The following RPTOR variants were observed in gnomAD, a reference collection of about 807,000 sequenced individuals.
RPTOR encodes the protein regulatory associated protein of MTOR complex 1.
Under a neutral mutation model 169.9 loss-of-function variants are expected in RPTOR, and 21 were observed. The observed-to-expected ratio is 0.12, with a 90% CI of 0.09 to 0.18. The LOEUF is 0.18. RPTOR is among the 10% of genes least tolerant of loss of function. The pLI is 1.00. For missense variants in RPTOR, 1,133 were observed against 1,855.9 expected, an observed-to-expected ratio of 0.61 and a Z score of 7.16; for synonymous variants, 732 against 753.2, an observed-to-expected ratio of 0.97 and a Z score of 0.46.
At chr17:80,791,876 T>C (rs1479474127) in intron 7 of RPTOR, among the ~76,000 whole-genome samples, 1 of 152,180 alleles carries the variant, frequency 6.6e-6, no homozygotes, top group Non-Finnish European at 1.5e-5. Context: ...TCTGAAACTG[T>C]CCCTTTAATA....
chr17:80,787,304 T>C (rs1208894743), intron 6 of RPTOR, among the ~76,000 whole-genome samples: 1 of 152,240 alleles, frequency 6.6e-6, no homozygotes, highest in Non-Finnish European at 1.5e-5. Context: ...TGTTCCTCCA[T>C]ATTGATGTGT....
At chr17:80,932,791 T>C (rs1010132787) in intron 24 of RPTOR, among the ~76,000 whole-genome samples, 1 of 152,150 alleles carries the variant, frequency 6.6e-6, no homozygotes, top group Non-Finnish European at 1.5e-5. Context: ...TCCCAAATCA[T>C]GGTATATACA....
At chr17:80,812,843 C>G (rs1308139456) in intron 7 of RPTOR, among the ~76,000 whole-genome samples, 1 of 152,270 alleles carries the variant, frequency 6.6e-6, no homozygotes, top group Admixed American at 6.5e-5. Flanking sequence ...GGGAACCACA[C>G]GCCCCCAGAT....
At chr17:80,961,021 C>G in intron 30 of RPTOR, 1 of 284,528 alleles carries the variant, frequency 3.5e-6, no homozygotes, top group South Asian at 7.6e-5. Flanking sequence ...CTGCACAGAT[C>G]GGGGAGACAC....
intron 21 of RPTOR, among the ~76,000 whole-genome samples, chr17:80,920,044 C>A (rs1385258504): frequency 6.6e-6 from 1 of 152,238 alleles, no homozygotes; most frequent in Non-Finnish European, 1.5e-5. Context: ...TTGCCGTGCC[C>A]TCTCTGTTCA....
intron 33 of RPTOR, among the ~76,000 whole-genome samples, chr17:80,963,263 C>A (rs1274044234): frequency 2.0e-5 from 3 of 152,084 alleles, no homozygotes; most frequent in African/African-American, 4.8e-5. Context: ...GAGCCCCAGT[C>A]CCGTCACTCC....
intron 3 of RPTOR, among the ~76,000 whole-genome samples, chr17:80,654,574 G>A (rs530219866): frequency 2.6e-5 from 4 of 152,210 alleles, no homozygotes; most frequent in African/African-American, 7.2e-5. Flanking sequence ...TAGCAGAACC[G>A]GGAGGATTAC....
intron 6 of RPTOR, among the ~76,000 whole-genome samples, chr17:80,790,305 A>C (rs1267116008): frequency 6.6e-6 from 1 of 152,178 alleles, no homozygotes; most frequent in Non-Finnish European, 1.5e-5. Context: ...CACAACCAAG[A>C]ATATAACTTC....
rs2143977946 is a variant in RPTOR, at chr17:80,922,781, GC to G, written c.2583del (p.Ala862ProfsTer27). 1.3e-6 allele frequency: 2 copies of G among 1,573,826 alleles called. No individual in the cohort carries two copies. Among genetic ancestry groups the G allele is most frequent in the East Asian group, 2.4e-5 (1 of 42,168 alleles). ...VLDTSSLTQS[A>X]PASPTNKGVH... is the part of the protein sequence containing the mutation. ...GGACACCTCCTCCCTCACGCAGTCG[GC>G]CCCCGCCAGCCCCACCAACAAGGGC... On this transcript the variant is annotated frameshift_variant, in exon 22 of 34. Coordinates refer to ENST00000306801, the MANE Select transcript of RPTOR (RefSeq NM_020761.3). LOFTEE classifies it high-confidence loss of function.
chr17:80,763,551 A>G (rs1294434991), intron 6 of RPTOR, among the ~76,000 whole-genome samples: 1 of 152,246 alleles, frequency 6.6e-6, no homozygotes, highest in Non-Finnish European at 1.5e-5. Context: ...GTGCTTAGAT[A>G]CAGAGACACC....
At chr17:80,896,972 G>A (rs2068413984) in intron 20 of RPTOR, among the ~76,000 whole-genome samples, 1 of 152,202 alleles carries the variant, frequency 6.6e-6, no homozygotes, top group African/African-American at 2.4e-5. Flanking sequence ...AAGAAAGAAT[G>A]CCAGTGGGCT....
chr17:80,607,390 A>G (rs2065236847), intron 1 of RPTOR, among the ~76,000 whole-genome samples: 1 of 152,138 alleles, frequency 6.6e-6, no homozygotes, highest in Non-Finnish European at 1.5e-5. Flanking sequence ...AATGTCATGT[A>G]TCAATCGTTT....
intron 17 of RPTOR, among the ~76,000 whole-genome samples, chr17:80,886,000 T>C (rs8074763): frequency 0.038 from 5,797 of 152,334 alleles, 171 homozygotes; most frequent in Non-Finnish European, 0.061. Context: ...GCTGGTGAGA[T>C]GGAAGGCTGC....
chr17:80,574,981 A>G (rs1187965526), intron 1 of RPTOR, among the ~76,000 whole-genome samples: 1 of 134,954 alleles, frequency 7.4e-6, no homozygotes, highest in East Asian at 2.3e-4. Context: ...TTTATTTTAT[A>G]TCTTATTATT....
At chr17:80,557,503 C>T (rs1002874660) in intron 1 of RPTOR, among the ~76,000 whole-genome samples, 11 of 151,398 alleles carry the variant, frequency 7.3e-5, no homozygotes, top group African/African-American at 1.9e-4. Context: ...GGTGACAGAA[C>T]GAGACTTTGT....
chr17:80,699,716 G>A (rs1327985681), intron 3 of RPTOR, among the ~76,000 whole-genome samples: 14 of 98,366 alleles, frequency 1.4e-4, no homozygotes, highest in African/African-American at 3.5e-4. Flanking sequence ...TGCTGTGCAC[G>A]GTGCCCTGGT....
intron 10 of RPTOR, among the ~76,000 whole-genome samples, chr17:80,838,578 T>C (rs560205039): frequency 2.9e-4 from 44 of 152,122 alleles, no homozygotes; most frequent in Non-Finnish European, 7.4e-5. Flanking sequence ...AGTCTGAAAA[T>C]AGATAAATAA....
rs1004536000 is a variant in RPTOR, at chr17:80,957,377, A to C, written c.3371-247A>C. ...ACCCCAGCCTGGACTTGGGAGTTCC[A>C]GCTCAGAATTGTCATCCCGGCCCGG... On this transcript the variant is annotated intron_variant, in intron 28 of 33. Coordinates refer to ENST00000306801, the MANE Select transcript of RPTOR (RefSeq NM_020761.3). This position sits in a 1 kb window ranked among gnomAD's most constrained non-coding sequence, Gnocchi z 4.6. Among the ~76,000 whole-genome samples, 1 of 151,878 alleles carries C rather than the reference A, an allele frequency of 6.6e-6. No individual in the cohort carries two copies. Among genetic ancestry groups the C allele is most frequent in the Non-Finnish European group, 1.5e-5 (1 of 67,970 alleles).
At chr17:80,938,060 C>G (rs1241935730) in intron 24 of RPTOR, among the ~76,000 whole-genome samples, 1 of 152,250 alleles carries the variant, frequency 6.6e-6, no homozygotes, top group Non-Finnish European at 1.5e-5. Flanking sequence ...GAAGTGGCGG[C>G]CCCTACCCCT....
Sources: gnomAD v4.1 joint callset for allele counts (sites outside exome capture counted in the v4.1 genomes callset) on GRCh38, gnomAD v4.1.1 for gene constraint, Gnocchi (gnomAD v3.1) non-coding constraint, MANE v1.5 for transcripts, NCBI Gene and HGNC (gene_info 2026-07-23, HGNC 2026-07-21) for gene names.